The following FBN1 variants were observed in gnomAD, a reference collection of about 807,000 sequenced individuals.
FBN1 encodes the protein fibrillin-1.
A neutral mutation model predicts 365.1 loss-of-function variants in FBN1; 29 were observed. That is an observed-to-expected ratio of 0.08 (90% CI 0.06 to 0.11). The LOEUF (loss-of-function observed/expected upper bound fraction) is 0.11. Ranked by LOEUF, FBN1 falls within the 10% of genes least tolerant of loss-of-function variation. The pLI is 1.00. For synonymous variants in FBN1, 1,210 were observed against 1,270.5 expected (o/e 0.95, Z 1.01); for missense variants, 2,476 against 3,703.2 (o/e 0.67, Z 8.60).
intron 9 of FBN1, 82 bp from the exon 10 acceptor site, chr15:48,520,899 T>C (rs1308332535): frequency 4.5e-6 from 7 of 1,572,512 alleles, no homozygotes; most frequent in Non-Finnish European, 6.1e-6. Flanking sequence ...AGCAGCTCCA[T>C]ACTTCACACT....
chr15:48,532,459 GATATGTGTGTGTGT>G (rs1179533237), intron 8 of FBN1, among the ~76,000 whole-genome samples: 2 of 151,384 alleles, frequency 1.3e-5, no homozygotes, highest in Non-Finnish European at 2.9e-5. Flanking sequence ...TCTATATAAA[GATATGTGTGTGTGT>G]ATATGTGTGT....
At chr15:48,572,603 C>T (rs2044314929) in intron 6 of FBN1, among the ~76,000 whole-genome samples, 1 of 151,378 alleles carries the variant, frequency 6.6e-6, no homozygotes. Flanking sequence ...TCTAAAACGG[C>T]ATTTTTAAAA....
Position 48,432,863 on chromosome 15 carries a change from C to T in FBN1, c.6739+3G>A, listed in dbSNP as rs1263490954. 2 of 1,613,488 alleles carry T rather than the reference C, an allele frequency of 1.2e-6. No individual in the cohort carries two copies. The highest frequency in any genetic ancestry group is 2.7e-5 in the African/African-American group (2 of 74,890). On this transcript the variant is annotated splice_donor_region_variant and intron_variant, in intron 55 of 65. Coordinates refer to ENST00000316623, the MANE Select transcript of FBN1 (RefSeq NM_000138.5). The stretch of plus-strand genomic sequence containing the variant: ...TTAGATGACCTTGAACACGATGACT[C>T]ACCTTTGCACATCCTACGGTCTTCT...
Position 48,596,266 on chromosome 15 carries a change from A to T in FBN1, c.538+17T>A. On this transcript the variant is annotated intron_variant, in intron 6 of 65. Transcript: ENST00000316623. ...GTACCAGCATGTCTTTACGTAAATG[A>T]TTTTAAAAACCATTACCTCTTTCAC... The T allele has an allele frequency of 6.2e-7, 1 of 1,609,554 alleles. No individual in the cohort carries two copies. The highest frequency in any genetic ancestry group is 8.5e-7 in the Non-Finnish European group (1 of 1,175,938).
At chr15:48,630,613 A>C (rs1259220734) in intron 2 of FBN1, among the ~76,000 whole-genome samples, 4 of 151,430 alleles carry the variant, frequency 2.6e-5, no homozygotes, top group African/African-American at 9.7e-5. Context: ...AGTTTATTTT[A>C]TTTGAGGTTT....
intron 65 of FBN1, among the ~76,000 whole-genome samples, 154 bp from the exon 66 acceptor site, chr15:48,411,533 T>C (rs1296227550): frequency 6.6e-6 from 1 of 152,260 alleles, no homozygotes; most frequent in Non-Finnish European, 1.5e-5. Flanking sequence ...ACCACAAGTG[T>C]ATTAAATTGG....
intron 58 of FBN1, among the ~76,000 whole-genome samples, chr15:48,426,547 T>C (rs1310252363): frequency 6.6e-6 from 1 of 152,066 alleles, no homozygotes; most frequent in Admixed American, 6.5e-5. Flanking sequence ...TGTTGAGCAT[T>C]AAAACCACTG....
At chr15:48,482,932 C>A in intron 31 of FBN1, among the ~76,000 whole-genome samples, 1 of 152,116 alleles carries the variant, frequency 6.6e-6, no homozygotes, top group Non-Finnish European at 1.5e-5. Flanking sequence ...GCAAAATTAC[C>A]CCTAGACTAA....
intron 6 of FBN1, among the ~76,000 whole-genome samples, chr15:48,578,919 G>A (rs1461945534): frequency 4.8e-5 from 7 of 146,796 alleles, no homozygotes; most frequent in African/African-American, 1.5e-4. Flanking sequence ...TGACGAGTTA[G>A]TGGGTGCAGC....
chr15:48,427,751 G>A lies in FBN1; in HGVS notation c.7020C>T (p.Phe2340=), dbSNP rs769138948. 6.2e-7 allele frequency: 1 copy of A among 1,613,936 alleles called. No individual in the cohort carries two copies. The highest frequency in any genetic ancestry group is 1.3e-5 in the African/African-American group (1 of 74,918). Residue 2340 remains phenylalanine (F), a synonymous_variant, in exon 58 of 66, where the codon TTC becomes TTT. Coordinates refer to ENST00000316623, the MANE Select transcript of FBN1 (RefSeq NM_000138.5). ...ECLDNREGYC[F]TEVLQNMCQI... ...GACACATGTTTTGTAGCACCTCTGT[G>A]AAGCAGTACCCTTCCCGATTGTCTG...
In FBN1 at chr15:48,445,536, T is replaced by G; in HGVS notation, c.5789-32A>C. 4 of 1,607,368 alleles carry G rather than the reference T, an allele frequency of 2.5e-6. No individual in the cohort carries two copies. The East Asian group carries it at 8.9e-5, about 36-fold the overall frequency. ...AAAAATCCCCAACAATCCTTTAATA[T>G]ATTCCAAAGATGTCATAATCCCAGC... On this transcript the variant is annotated intron_variant, in intron 47 of 65. Coordinates refer to ENST00000316623, the MANE Select transcript of FBN1 (RefSeq NM_000138.5).
Position 48,452,689 on chromosome 15 carries a change from G to A in FBN1, c.5423-5C>T, listed in dbSNP as rs368750818. On this transcript the variant is annotated splice_region_variant and splice_polypyrimidine_tract_variant and intron_variant, in intron 44 of 65. Coordinates refer to ENST00000316623, the MANE Select transcript of FBN1 (RefSeq NM_000138.5). ...CGTTCTGACACTCGTCAATATCTAC[G>A]AGCAGAAGAGAACTGAATTTGAAGG... 9.9e-6 allele frequency: 16 copies of A among 1,613,696 alleles called. No homozygotes were observed. The highest frequency in any genetic ancestry group is 8.0e-5 in the African/African-American group (6 of 74,908).
At chr15:48,622,296 A>G (rs924353705) in intron 2 of FBN1, among the ~76,000 whole-genome samples, 5 of 152,204 alleles carry the variant, frequency 3.3e-5, no homozygotes, top group African/African-American at 1.2e-4. Context: ...TATCTACACA[A>G]CAGACAAAGC....
intron 5 of FBN1, among the ~76,000 whole-genome samples, chr15:48,599,696 G>A (rs979838162): frequency 6.6e-6 from 1 of 152,196 alleles, no homozygotes; most frequent in South Asian, 2.1e-4. Flanking sequence ...TAGGAAATGA[G>A]AGGGATGCAG....
intron 2 of FBN1, among the ~76,000 whole-genome samples, chr15:48,638,894 T>C (rs1890149226): frequency 6.6e-6 from 1 of 152,180 alleles, no homozygotes; most frequent in African/African-American, 2.4e-5. Context: ...CCCAGCAGGC[T>C]GCCTGCAATG....
intron 34 of FBN1, 147 bp downstream of exon 34, chr15:48,474,108 T>G (rs547423371): frequency 8.4e-7 from 1 of 1,195,410 alleles, no homozygotes; most frequent in East Asian, 2.4e-5. Flanking sequence ...GTTCCAATTT[T>G]TTTTTTCCCA....
chr15:48,427,747 C>G lies in FBN1; in HGVS notation c.7024G>C (p.Glu2342Gln). 6.2e-7 allele frequency: 1 copy of G among 1,614,074 alleles called. No homozygotes were observed. Among genetic ancestry groups the G allele is most frequent in the Non-Finnish European group, 8.5e-7 (1 of 1,179,990 alleles). ...LDNREGYCFTEVLQNMCQIGS... is the reference protein window; with the variant it reads ...LDNREGYCFTQVLQNMCQIGS... ...ATCTGACACATGTTTTGTAGCACCT[C>G]TGTGAAGCAGTACCCTTCCCGATTG... The change falls in exon 58 of 66, where the codon GAG (glutamate) becomes CAG (glutamine). Residue 2342 changes from glutamate to glutamine, a missense_variant. Glu to Gln is a conservative substitution (Grantham distance 29, BLOSUM62 2). Coordinates refer to ENST00000316623, the MANE Select transcript of FBN1 (RefSeq NM_000138.5).
At chr15:48,455,912 T>A (rs1413998896) in intron 44 of FBN1, among the ~76,000 whole-genome samples, 13 of 152,168 alleles carry the variant, frequency 8.5e-5, no homozygotes, top group Non-Finnish European at 7.4e-5. Flanking sequence ...CTTTCTAACA[T>A]GAATAAAAAT....
intron 6 of FBN1, among the ~76,000 whole-genome samples, chr15:48,588,256 A>G (rs886765396): frequency 1.3e-5 from 2 of 152,152 alleles, no homozygotes; most frequent in Non-Finnish European, 2.9e-5. Flanking sequence ...TTGACATAAA[A>G]CTTTCAGATA....
Sources: allele counts gnomAD v4.1 joint callset (sites outside exome capture counted in the v4.1 genomes callset), GRCh38; gene constraint gnomAD v4.1.1; transcripts MANE v1.5; gene names NCBI Gene and HGNC (gene_info 2026-07-23, HGNC 2026-07-21).